Variants in DIDO1 observed in about 807,000 individuals in gnomAD.
The protein encoded by DIDO1 is death-inducer obliterator 1.
DIDO1 carries 16 observed loss-of-function variants against 99.4 expected under a neutral mutation model. The ratio of observed to expected loss-of-function variants is 0.16; its 90% confidence interval spans 0.11 to 0.24. The LOEUF is 0.24. DIDO1 is among the 10% of genes least tolerant of loss of function. The pLI is 1.00. For synonymous variants in DIDO1, 1,366 were observed against 1,239.1 expected, an observed-to-expected ratio of 1.10 and a Z score of -2.15; for missense variants, 2,996 against 3,014.0, an observed-to-expected ratio of 0.99 and a Z score of 0.14.
chr20:62,889,845 T>C, intron 15 of DIDO1: 12 of 985,434 alleles, frequency 1.2e-5, no homozygotes, highest in Non-Finnish European at 1.4e-5. Context: ...CCAGCAAATA[T>C]TTAACCCTGA....
At position 62,910,853 on chromosome 20, in the gene DIDO1, A is replaced by G. The variant is rs756523900; in HGVS notation, c.760T>C (p.Leu254=). ...TCACATTCAGGCTTCGGTCGGCCCA[A>G]GTCTCCAGGCTCCTCATCTTTGATG... ...QDIKDEEPGD[L]GRPKPECEGY... The change falls in exon 3 of 16, where the codon TTG becomes CTG. Residue 254 remains leucine, a synonymous_variant. Coordinates refer to ENST00000395343, the MANE Select transcript of DIDO1 (RefSeq NM_001193369.2). 233 of 1,613,986 alleles carry G rather than the reference A, an allele frequency of 1.4e-4. No individual in the cohort carries two copies. Among genetic ancestry groups the G allele is most frequent in the Non-Finnish European group, 1.9e-4 (227 of 1,180,030 alleles).
chr20:62,902,859 T>C (rs941802204), intron 6 of DIDO1, among the ~76,000 whole-genome samples: 4 of 152,210 alleles, frequency 2.6e-5, no homozygotes, highest in Admixed American at 2.6e-4. Flanking sequence ...TCTGTTCAGA[T>C]CCTCAGTGTT....
intron 15 of DIDO1, 65 bp downstream of exon 15, chr20:62,890,895 T>C: frequency 6.2e-7 from 1 of 1,611,900 alleles, no homozygotes; most frequent in Non-Finnish European, 8.5e-7. Context: ...CAGCAGGGCA[T>C]GTCAGTGGGA....
chr20:62,892,109 G>C (rs1266217296), intron 13 of DIDO1, 33 bp from the exon 14 acceptor site: 1 of 1,584,840 alleles, frequency 6.3e-7, no homozygotes, highest in Admixed American at 1.8e-5. Flanking sequence ...AAATCACTTT[G>C]AACTGTAGTA....
intron 12 of DIDO1, among the ~76,000 whole-genome samples, chr20:62,893,387 CTTACT>C (rs1017457577): frequency 2.6e-5 from 4 of 152,192 alleles, no homozygotes; most frequent in Non-Finnish European, 4.4e-5. Context: ...TTGCCAATTA[CTTACT>C]TTAATTAAAA....
At position 62,898,429 on chromosome 20, in the gene DIDO1, T is replaced by C. The variant is rs115440161; in HGVS notation, c.1589-1433A>G. Reference sequence around the variant, plus strand: ...TTACAAAACTTGCAACAGTACTACATGGATCCAAAAAGCGGTGTCACTGTT... The same window carrying C: ...TTACAAAACTTGCAACAGTACTACACGGATCCAAAAAGCGGTGTCACTGTT... On this transcript the variant is annotated intron_variant, in intron 6 of 15. Coordinates refer to ENST00000395343, the MANE Select transcript of DIDO1 (RefSeq NM_001193369.2). 3.7e-3 allele frequency among the ~76,000 whole-genome samples: 562 copies of C among 152,358 alleles called. 4 individuals are homozygous for C. The highest frequency in any genetic ancestry group is 0.013 in the African/African-American group (551 of 41,592).
intron 13 of DIDO1, among the ~76,000 whole-genome samples, 191 bp from the exon 14 acceptor site, chr20:62,892,267 C>T (rs1291170817): frequency 1.3e-5 from 2 of 152,126 alleles, no homozygotes; most frequent in African/African-American, 2.4e-5. Context: ...GGGAGTGATG[C>T]CAACCTTCTG....
chr20:62,891,905 A>G, intron 14 of DIDO1, 82 bp downstream of exon 14: 1 of 1,161,522 alleles, frequency 8.6e-7, no homozygotes, highest in South Asian at 1.5e-5. Context: ...GTGTTAACCC[A>G]TCCAAACGAG....
At chr20:62,910,709 T>C (rs1282187123) in intron 3 of DIDO1, 65 bp downstream of exon 3, 1 of 1,539,124 alleles carries the variant, frequency 6.5e-7, no homozygotes, top group Non-Finnish European at 8.8e-7. Context: ...CCCTTTAAAA[T>C]GAAAACAAAT....
Position 62,896,383 on chromosome 20 carries a change from G to T in DIDO1, c.2064C>A (p.Asp688Glu), listed in dbSNP as rs752340151. 1 of 1,613,842 alleles carries T rather than the reference G, an allele frequency of 6.2e-7. No homozygotes were observed. Among genetic ancestry groups the T allele is most frequent in the African/African-American group, 1.3e-5 (1 of 74,886 alleles). ...TTTCTGTCATGATTAAGTCATCGCT[G>T]TCATTGACTCTGAACAGAATAAAAA... ...LKEILWKRVNDSDDLIMTENE... is the reference protein window; with the variant it reads ...LKEILWKRVNESDDLIMTENE... The change falls in exon 8 of 16, where the codon GAC (aspartate) becomes GAA (glutamate). Residue 688 changes from aspartate to glutamate, a missense_variant. Physicochemically the swap from Asp to Glu is conservative, Grantham distance 45. Coordinates refer to ENST00000395343, the MANE Select transcript of DIDO1 (RefSeq NM_001193369.2). The surrounding 1 kb of genome is among the most constrained non-coding windows in gnomAD (Gnocchi z 4.4).
In DIDO1 at chr20:62,907,229, G is replaced by A. The variant is rs1838146632; in HGVS notation, c.1292C>T (p.Ser431Leu). The stretch of plus-strand genomic sequence containing the variant: ...AGGCTTTGGCTTCTGTTCTTTACCT[G>A]AGCTTAGAAACTTCATTGTCGCTGC... ...HAAATMKFLS[S>L]GKEQKPKPKE... The change falls in exon 5 of 16, where the codon TCA becomes TTA. Residue 431 changes from serine to leucine, a missense_variant. Coordinates refer to ENST00000395343, the MANE Select transcript of DIDO1 (RefSeq NM_001193369.2). The A allele has an allele frequency of 2.5e-6, 4 of 1,614,078 alleles. No homozygotes were observed. Among genetic ancestry groups the A allele is most frequent in the African/African-American group, 1.3e-5 (1 of 74,918 alleles).
chr20:62,917,675 C>T (rs2065063591), intron 1 of DIDO1, among the ~76,000 whole-genome samples: 2 of 151,992 alleles, frequency 1.3e-5, no homozygotes, highest in South Asian at 2.1e-4. Flanking sequence ...TTAATCACAG[C>T]GAAAGTAAAA....
chr20:62,922,696 G>A (rs1278542062), intron 1 of DIDO1, among the ~76,000 whole-genome samples: 2 of 152,220 alleles, frequency 1.3e-5, no homozygotes, highest in Non-Finnish European at 2.9e-5. Flanking sequence ...GCAACAGACG[G>A]TAGGTGCCAC....
At chr20:62,915,636 G>A (rs1296963914) in intron 1 of DIDO1, among the ~76,000 whole-genome samples, 3 of 152,086 alleles carry the variant, frequency 2.0e-5, no homozygotes, top group Admixed American at 1.3e-4. Context: ...CTACAGATGC[G>A]TGCCACTATG....
At chr20:62,917,038 T>C (rs991193204) in intron 1 of DIDO1, among the ~76,000 whole-genome samples, 11 of 152,130 alleles carry the variant, frequency 7.2e-5, no homozygotes, top group African/African-American at 2.7e-4. Flanking sequence ...AAACATTTTT[T>C]TTCCTGTTGC....
intron 6 of DIDO1, 78 bp from the exon 7 acceptor site, chr20:62,897,074 C>A: frequency 7.3e-7 from 1 of 1,371,128 alleles, no homozygotes; most frequent in Middle Eastern, 2.3e-4. Flanking sequence ...AGCAGACTTA[C>A]CCTTAAACCT....
intron 1 of DIDO1, chr20:62,937,733 C>A: frequency 2.5e-6 from 1 of 397,778 alleles, no homozygotes; most frequent in Non-Finnish European, 4.4e-6. Flanking sequence ...CGCGGACACC[C>A]GGCGCCTTTC....
At chr20:62,895,576 G>C (rs916000117) in intron 8 of DIDO1, among the ~76,000 whole-genome samples, 1 of 152,244 alleles carries the variant, frequency 6.6e-6, no homozygotes, top group Non-Finnish European at 1.5e-5. Flanking sequence ...GTTTAGGGCT[G>C]TTCAATGGTG....
intron 12 of DIDO1, 103 bp from the exon 13 acceptor site, chr20:62,893,065 C>G: frequency 7.7e-7 from 1 of 1,306,956 alleles, no homozygotes; most frequent in South Asian, 1.5e-5. Flanking sequence ...CTCATTCTGT[C>G]ATGCAGGCTG....
Sources: allele counts gnomAD v4.1 joint callset (sites outside exome capture counted in the v4.1 genomes callset), GRCh38; gene constraint gnomAD v4.1.1; non-coding constraint Gnocchi (gnomAD v3.1); transcripts MANE v1.5; gene names NCBI Gene and HGNC (gene_info 2026-07-23, HGNC 2026-07-21).